Variants in PTPRN2 observed in about 807,000 individuals in gnomAD.
PTPRN2 encodes protein tyrosine phosphatase receptor type N2.
A neutral mutation model predicts 118.8 loss-of-function variants in PTPRN2; 74 were observed. The observed-to-expected ratio is 0.62, with a 90% CI of 0.52 to 0.76. The LOEUF is 0.76. Among genes scored for constraint, PTPRN2 ranks in the 30% least tolerant of loss-of-function variants. The probability of loss-of-function intolerance (pLI) is 0.00; values close to 1 mark genes in which losing one functional copy is unlikely to be tolerated. For synonymous variants in PTPRN2, 641 were observed against 608.0 expected, an observed-to-expected ratio of 1.05 and a Z score of -0.80; for missense variants, 1,481 against 1,394.4, an observed-to-expected ratio of 1.06 and a Z score of -0.99.
intron 12 of PTPRN2, among the ~76,000 whole-genome samples, chr7:157,786,509 T>A (rs79858867): frequency 6.6e-6 from 1 of 152,182 alleles, no homozygotes; most frequent in African/African-American, 2.4e-5. Context: ...GAAACTGGGC[T>A]TGTCCACAGC....
At position 157,685,756 on chromosome 7, in the gene PTPRN2, G is replaced by C. The variant is rs536678458; in HGVS notation, c.1789-2819C>G. On this transcript the variant is annotated intron_variant, in intron 12 of 22. Transcript: ENST00000389418. ...AAAGGTCAAAGAAAAATGTCAAGGA[G>C]AGCGATTGCCTGGAGAGCTCCTGGC... Among the ~76,000 whole-genome samples the C allele has an allele frequency of 3.2e-3, 494 of 152,340 alleles. 7 individuals carry two copies. Among genetic ancestry groups the C allele is most frequent in the Non-Finnish European group, 5.8e-3 (393 of 68,024 alleles).
Position 157,627,328 on chromosome 7 carries a change from G to A in PTPRN2, c.2197-5819C>T, listed in dbSNP as rs1378775486. The stretch of plus-strand genomic sequence containing the variant: ...GAAAGCTCTAGAATGAGCTGACTGA[G>A]GCTGACAATACCAGAGGGAGTGAGC... On this transcript the variant is annotated intron_variant, in intron 14 of 22. Transcript: ENST00000389418. This position sits in a 1 kb window ranked among gnomAD's most constrained non-coding sequence, Gnocchi z 4.2. Among the ~76,000 whole-genome samples the A allele has an allele frequency of 6.6e-6, 1 of 152,232 alleles. No homozygotes were observed. Among genetic ancestry groups the A allele is most frequent in the Non-Finnish European group, 1.5e-5 (1 of 68,038 alleles).
At chr7:158,167,834 G>A (rs1345371851) in intron 5 of PTPRN2, among the ~76,000 whole-genome samples, 1 of 152,254 alleles carries the variant, frequency 6.6e-6, no homozygotes, top group Non-Finnish European at 1.5e-5. Flanking sequence ...GCATGGGCCA[G>A]GACATCCTTC....
Position 157,615,257 on chromosome 7 carries a change from C to G in PTPRN2, c.2344+6105G>C, listed in dbSNP as rs1802682585. On this transcript the variant is annotated intron_variant, in intron 15 of 22. Coordinates refer to ENST00000389418, the MANE Select transcript of PTPRN2 (RefSeq NM_002847.5). This position sits in a 1 kb window ranked among gnomAD's most constrained non-coding sequence, Gnocchi z 4.3. Reference sequence around the variant, plus strand: ...AAGTGGGGGAGGAAGTCATGCTAAGCCAGCCACACTTCTGCTCCAGAGAGG... The same window carrying G: ...AAGTGGGGGAGGAAGTCATGCTAAGGCAGCCACACTTCTGCTCCAGAGAGG... 2 of 348,688 alleles carry G rather than the reference C, an allele frequency of 5.7e-6. No homozygotes were observed. Among genetic ancestry groups the G allele is most frequent in the Admixed American group, 7.6e-5 (2 of 26,232 alleles). The allele number at this position is 348,688 out of a possible 1,614,324, so 21.6% of individuals were successfully genotyped here. A position where few individuals can be genotyped will look rare whatever the true frequency, so the allele number is the denominator to read the frequency against.
At chr7:158,313,551 C>T (rs1361059693) in intron 3 of PTPRN2, among the ~76,000 whole-genome samples, 1 of 152,108 alleles carries the variant, frequency 6.6e-6, no homozygotes, top group Non-Finnish European at 1.5e-5. Context: ...CTGCCTGGGA[C>T]CTCTGTCTCT....
rs558288202 is a variant in PTPRN2, at chr7:158,555,910, C to T, written c.112+31648G>A. On this transcript the variant is annotated intron_variant, in intron 1 of 22. Coordinates refer to ENST00000389418, the MANE Select transcript of PTPRN2 (RefSeq NM_002847.5). The surrounding 1 kb of genome is among the most constrained non-coding windows in gnomAD (Gnocchi z 4.7). The stretch of plus-strand genomic sequence containing the variant: ...ATCACAACATGGCACACACAACACA[C>T]GTCCCAAAATAAATCTTCACTAGGT... Among the ~76,000 whole-genome samples, 7 of 152,282 alleles carry T rather than the reference C, an allele frequency of 4.6e-5. No individual in the cohort carries two copies. The South Asian group carries it at 1.0e-3, about 23-fold the overall frequency.
intron 2 of PTPRN2, among the ~76,000 whole-genome samples, chr7:158,320,952 T>C (rs911883485): frequency 6.6e-6 from 1 of 152,148 alleles, no homozygotes; most frequent in African/African-American, 2.4e-5. Context: ...GAATTGATTT[T>C]TATGTGGCCA....
At chr7:157,952,106 G>T (rs1800850888) in intron 11 of PTPRN2, among the ~76,000 whole-genome samples, 1 of 152,208 alleles carries the variant, frequency 6.6e-6, no homozygotes, top group Admixed American at 6.5e-5. Context: ...GGGGAGGCCA[G>T]GCTCACCCAA....
At chr7:158,107,120 C>A (rs867130116) in intron 10 of PTPRN2, among the ~76,000 whole-genome samples, 7 of 152,200 alleles carry the variant, frequency 4.6e-5, no homozygotes, top group Middle Eastern at 6.8e-3. Flanking sequence ...GTCCACGTGC[C>A]CCACATCGCT....
chr7:158,138,340 T>C lies in PTPRN2; in HGVS notation c.1086A>G (p.Glu362=), dbSNP rs764519151. 3 of 1,613,702 alleles carry C rather than the reference T, an allele frequency of 1.9e-6. No homozygotes were observed. Among genetic ancestry groups the C allele is most frequent in the Non-Finnish European group, 2.5e-6 (3 of 1,180,020 alleles). The change falls in exon 7 of 23, where the codon GAA becomes GAG. Residue 362 remains glutamate, a synonymous_variant. Coordinates refer to ENST00000389418, the MANE Select transcript of PTPRN2 (RefSeq NM_002847.5). The part of the protein sequence containing the change: ...PGRAALGESG[E]QADGPKATLR... ...GGGTGGCCTTGGGGCCATCCGCCTG[T>C]TCTCCAGACTCTCCCAGGGCCGCTC...
In PTPRN2 at chr7:157,671,101, C is replaced by A. The variant is rs1796387445; in HGVS notation, c.2001+11624G>T. On this transcript the variant is annotated intron_variant, in intron 13 of 22. Transcript: ENST00000389418. The surrounding 1 kb of genome is among the most constrained non-coding windows in gnomAD (Gnocchi z 4.1). ...TGGTTTCCAAGAGGGTTTACATGCTCCCCCGCCCCCCGTCCCCTGCCCACA... is the reference window on the plus strand; with the variant it reads ...TGGTTTCCAAGAGGGTTTACATGCTACCCCGCCCCCCGTCCCCTGCCCACA... 6.6e-6 allele frequency among the ~76,000 whole-genome samples: 1 copy of A among 151,618 alleles called. No individual in the cohort carries two copies. Among genetic ancestry groups the A allele is most frequent in the South Asian group, 2.1e-4 (1 of 4,780 alleles).
At chr7:158,367,806 A>T (rs969221574) in intron 2 of PTPRN2, among the ~76,000 whole-genome samples, 1 of 152,140 alleles carries the variant, frequency 6.6e-6, no homozygotes, top group African/African-American at 2.4e-5. Flanking sequence ...TTCCCCTCTA[A>T]AATGCAACTC....
intron 2 of PTPRN2, among the ~76,000 whole-genome samples, chr7:158,484,198 T>TGACC (rs1820834197): frequency 6.6e-6 from 1 of 152,120 alleles, no homozygotes; most frequent in Non-Finnish European, 1.5e-5. Context: ...CAGAGTTCCG[T>TGACC]GACCACCTCA....
chr7:158,307,175 C>A (rs556640649), intron 3 of PTPRN2, among the ~76,000 whole-genome samples: 4 of 152,126 alleles, frequency 2.6e-5, no homozygotes, highest in South Asian at 4.1e-4. Flanking sequence ...ACTAAATGAG[C>A]TATTTTTAAT....
At chr7:158,131,120 A>C (rs1414774096) in intron 9 of PTPRN2, among the ~76,000 whole-genome samples, 5 of 140,708 alleles carry the variant, frequency 3.6e-5, no homozygotes, top group Non-Finnish European at 7.6e-5. Context: ...CCAAACACAC[A>C]CTCATACGCA....
chr7:158,202,772 G>A (rs1826739264), intron 4 of PTPRN2, among the ~76,000 whole-genome samples: 1 of 152,152 alleles, frequency 6.6e-6, no homozygotes, highest in Non-Finnish European at 1.5e-5. Context: ...TGTAACCATA[G>A]CTAGTGCCAT....
intron 13 of PTPRN2, among the ~76,000 whole-genome samples, chr7:157,681,500 C>T (rs745485247): frequency 1.4e-4 from 22 of 152,220 alleles, no homozygotes; most frequent in African/African-American, 2.4e-4. Flanking sequence ...TCGTCCTGAC[C>T]GGGCTGGTGA....
chr7:158,569,379 G>T (rs1178087241), intron 1 of PTPRN2, among the ~76,000 whole-genome samples: 1 of 152,330 alleles, frequency 6.6e-6, no homozygotes, highest in South Asian at 2.1e-4. Flanking sequence ...AAAAGATCAC[G>T]TGGGCCTCAC....
At chr7:158,235,013 C>G (rs1340639872) in intron 3 of PTPRN2, among the ~76,000 whole-genome samples, 14 of 152,212 alleles carry the variant, frequency 9.2e-5, no homozygotes, top group African/African-American at 3.1e-4. Flanking sequence ...CTGCCTGCCT[C>G]AGCCTCCCAA....
Sources: gnomAD v4.1 joint callset for allele counts (sites outside exome capture counted in the v4.1 genomes callset) on GRCh38, gnomAD v4.1.1 for gene constraint, Gnocchi (gnomAD v3.1) non-coding constraint, MANE v1.5 for transcripts, NCBI Gene and HGNC (gene_info 2026-07-23, HGNC 2026-07-21) for gene names.